Variants in GLG1 observed in about 807,000 individuals in gnomAD.
GLG1 encodes the protein golgi glycoprotein 1.
Under a neutral mutation model 160.5 loss-of-function variants are expected in GLG1, and 38 were observed. The observed-to-expected ratio is 0.24, with a 90% confidence interval of 0.18 to 0.31. The LOEUF is 0.31. GLG1 is among the 10% of genes least tolerant of loss of function. The pLI is 1.00. For missense variants in GLG1, 1,373 were observed against 1,505.2 expected (o/e 0.91, Z 1.45); for synonymous variants, 644 against 543.4 (o/e 1.19, Z -2.57).
rs148205942 is a variant in GLG1 at position 74,459,222 on chromosome 16, T to C, written c.3144+460A>G. On this transcript the variant is annotated intron_variant, in intron 23 of 25. Transcript: ENST00000422840. ...GGCTGGGCGCGGTGGCTCACACCTG[T>C]AATCCCAGCACTTTGGAAGGCCGAG... 3.0e-3 allele frequency among the ~76,000 whole-genome samples: 460 copies of C among 152,308 alleles called. 2 individuals are homozygous for C. The highest frequency in any genetic ancestry group is 0.017 in the Middle Eastern group (5 of 294).
chr16:74,602,579 C>T (rs1224098440), intron 1 of GLG1, among the ~76,000 whole-genome samples: 1 of 152,050 alleles, frequency 6.6e-6, no homozygotes, highest in African/African-American at 2.4e-5. Context: ...GTCAGGAGTT[C>T]GAGACTAGCC....
chr16:74,463,609 G>A, intron 19 of GLG1, 130 bp from the exon 20 acceptor site: 1 of 841,820 alleles, frequency 1.2e-6, no homozygotes, highest in East Asian at 2.5e-5. Context: ...GCGCAATTCG[G>A]CTTACTGCAA....
At chr16:74,524,761 C>G (rs1470759553) in intron 2 of GLG1, among the ~76,000 whole-genome samples, 1 of 152,182 alleles carries the variant, frequency 6.6e-6, no homozygotes, top group African/African-American at 2.4e-5. Context: ...TTGTAAAATT[C>G]GCCCTTCCAG....
chr16:74,526,630 G>A (rs1419060592), intron 2 of GLG1, among the ~76,000 whole-genome samples: 4 of 152,104 alleles, frequency 2.6e-5, no homozygotes, highest in Non-Finnish European at 4.4e-5. Context: ...AGGCTGAGGT[G>A]GGAGGATCAC....
chr16:74,458,493 A>G (rs1284465541), intron 23 of GLG1, among the ~76,000 whole-genome samples: 1 of 151,982 alleles, frequency 6.6e-6, no homozygotes, highest in Non-Finnish European at 1.5e-5. Flanking sequence ...TAACACAGCA[A>G]GACCCCCATC....
chr16:74,457,320 C>T (rs1429830459), intron 24 of GLG1, among the ~76,000 whole-genome samples: 1 of 152,094 alleles, frequency 6.6e-6, no homozygotes, highest in Non-Finnish European at 1.5e-5. Context: ...TCACTTGAAC[C>T]CAGGAGGCGG....
intron 1 of GLG1, among the ~76,000 whole-genome samples, chr16:74,547,341 T>C (rs1457812219): frequency 1.3e-5 from 2 of 151,372 alleles, no homozygotes; most frequent in South Asian, 4.2e-4. Context: ...CAAAGATGAC[T>C]AATCACATTT....
intron 1 of GLG1, among the ~76,000 whole-genome samples, chr16:74,595,303 C>T (rs773412693): frequency 4.1e-5 from 6 of 147,078 alleles, no homozygotes; most frequent in Middle Eastern, 4.0e-3. Context: ...TTTGGGAGGC[C>T]GAGGCAGGCA....
chr16:74,476,756 G>A (rs988867908), intron 12 of GLG1, among the ~76,000 whole-genome samples: 3 of 152,132 alleles, frequency 2.0e-5, no homozygotes, highest in African/African-American at 7.2e-5. Context: ...CTGCTTCCTA[G>A]ATGGAGAGGC....
intron 1 of GLG1, among the ~76,000 whole-genome samples, chr16:74,592,245 C>T (rs933634714): frequency 3.9e-5 from 6 of 152,142 alleles, no homozygotes; most frequent in African/African-American, 1.4e-4. Flanking sequence ...TGGGTTCAAG[C>T]GATTCTCCTG....
At chr16:74,513,681 G>C (rs2016884997) in intron 2 of GLG1, among the ~76,000 whole-genome samples, 1 of 152,016 alleles carries the variant, frequency 6.6e-6, no homozygotes, top group Non-Finnish European at 1.5e-5. Context: ...GTAGAAGATG[G>C]GGAGAAACCA....
At chr16:74,527,916 G>C (rs1177417615) in intron 2 of GLG1, among the ~76,000 whole-genome samples, 2 of 136,078 alleles carry the variant, frequency 1.5e-5, no homozygotes, top group Non-Finnish European at 3.1e-5. Flanking sequence ...ATGGAGTCTC[G>C]TTCTGTCACC....
At chr16:74,588,834 A>G (rs1435165848) in intron 1 of GLG1, among the ~76,000 whole-genome samples, 4 of 152,218 alleles carry the variant, frequency 2.6e-5, no homozygotes, top group Admixed American at 2.6e-4. Flanking sequence ...CAAGAGCTAC[A>G]AATAAGATTA....
In GLG1 at chr16:74,454,527, G is replaced by A. The variant is rs575701908; in HGVS notation, c.3373-1193C>T. Among the ~76,000 whole-genome samples, 968 of 151,488 alleles carry A rather than the reference G, an allele frequency of 6.4e-3. 8 individuals are homozygous for A. Among genetic ancestry groups the A allele is most frequent in the South Asian group, 0.013 (61 of 4,782 alleles). On this transcript the variant is annotated intron_variant, in intron 25 of 25. Transcript: ENST00000422840. ...CTAAAAATACAAAAGTTAGCTGGGCGTGGTGGCGCTCGCCTGCAATCCCAG... is the reference window on the plus strand; with the variant it reads ...CTAAAAATACAAAAGTTAGCTGGGCATGGTGGCGCTCGCCTGCAATCCCAG...
At chr16:74,533,246 G>A (rs1158224638) in intron 1 of GLG1, among the ~76,000 whole-genome samples, 11 of 152,062 alleles carry the variant, frequency 7.2e-5, no homozygotes, top group African/African-American at 7.2e-5. Context: ...GCATGAACCC[G>A]GGAGGCGGAG....
In GLG1 at chr16:74,503,695, A is replaced by G. The variant is rs985528975; in HGVS notation, c.610T>C (p.Leu204=). Residue 204 remains leucine, a synonymous_variant, in exon 4 of 26, where the codon TTG becomes CTG. Transcript: ENST00000422840. ...PVGKGYMVSC[L]VDHRGNITEY... is the part of the protein sequence containing the mutation. ...GTGATGTTGCCTCGGTGATCCACCAAGCAGGAAACCATGTAACCTTTTCCA... is the reference window on the plus strand; with the variant it reads ...GTGATGTTGCCTCGGTGATCCACCAGGCAGGAAACCATGTAACCTTTTCCA... The G allele has an allele frequency of 6.2e-7, 1 of 1,613,322 alleles. No homozygotes were observed. Among genetic ancestry groups the G allele is most frequent in the East Asian group, 2.2e-5 (1 of 44,868 alleles).
At chr16:74,569,158 G>A (rs530430874) in intron 1 of GLG1, among the ~76,000 whole-genome samples, 1 of 152,322 alleles carries the variant, frequency 6.6e-6, no homozygotes, top group South Asian at 2.1e-4. Context: ...TGAATCAGAA[G>A]TAAACCAGCC....
chr16:74,606,151 T>G (rs953693858), intron 1 of GLG1, among the ~76,000 whole-genome samples: 5 of 152,144 alleles, frequency 3.3e-5, no homozygotes, highest in South Asian at 2.1e-4. Context: ...CCAAAGGAAG[T>G]GAAGAAAACA....
intron 7 of GLG1, 44 bp from the exon 8 acceptor site, chr16:74,491,259 T>C (rs1458270496): frequency 1.0e-5 from 13 of 1,296,006 alleles, no homozygotes; most frequent in Middle Eastern, 3.7e-4. Context: ...GGTGATGCTA[T>C]GTATTAGCAT....
Sources: gnomAD v4.1 joint callset for allele counts (sites outside exome capture counted in the v4.1 genomes callset) on GRCh38, gnomAD v4.1.1 for gene constraint, MANE v1.5 for transcripts, NCBI Gene and HGNC (gene_info 2026-07-23, HGNC 2026-07-21) for gene names.